The following NAV1 variants were observed in gnomAD, a reference collection of about 807,000 sequenced individuals.
NAV1 encodes the protein neuron navigator 1.
A neutral mutation model predicts 175.2 loss-of-function variants in NAV1; 18 were observed. The ratio of observed to expected loss-of-function variants is 0.10; its 90% CI spans 0.07 to 0.15. The LOEUF is 0.15. Ranked by LOEUF, NAV1 falls within the 10% of genes least tolerant of loss-of-function variation. The probability of loss-of-function intolerance (pLI) is 1.00; values close to 1 mark genes in which losing one functional copy is unlikely to be tolerated. For missense variants in NAV1, 1,731 were observed against 2,436.6 expected (o/e 0.71, Z 6.10); for synonymous variants, 897 against 978.7 (o/e 0.92, Z 1.56).
chr1:201,580,559 C>T (rs1010137623), intron 1 of NAV1, among the ~76,000 whole-genome samples: 5 of 152,028 alleles, frequency 3.3e-5, no homozygotes, highest in Non-Finnish European at 7.4e-5. Flanking sequence ...GATCACTTGA[C>T]GTCAGGAGTT....
intron 1 of NAV1, among the ~76,000 whole-genome samples, chr1:201,705,978 A>T (rs1201436697): frequency 6.6e-6 from 1 of 152,188 alleles, no homozygotes; most frequent in Non-Finnish European, 1.5e-5. Flanking sequence ...CAGTGGGTAG[A>T]GACCTGGAGT....
chr1:201,552,122 G>A (rs1323013140), intron 1 of NAV1, among the ~76,000 whole-genome samples: 6 of 152,230 alleles, frequency 3.9e-5, no homozygotes, highest in Non-Finnish European at 8.8e-5. Context: ...TGGCCACAGA[G>A]ACTGTGACAA....
In NAV1 at chr1:201,678,974, G is replaced by T. The variant is rs191573866; in HGVS notation, c.757+29549G>T. 1.7e-3 allele frequency among the ~76,000 whole-genome samples: 261 copies of T among 152,292 alleles called. 1 individual carries two copies. The highest frequency in any genetic ancestry group is 5.8e-3 in the African/African-American group (240 of 41,562). On this transcript the variant is annotated intron_variant, in intron 1 of 29. Transcript: ENST00000367296. ...GATGCTAGGGAGGGGAGGCTCCCGTGGAGACAAAGGTCGGGGAGCCCAGAA... is the reference window on the plus strand; with the variant it reads ...GATGCTAGGGAGGGGAGGCTCCCGTTGAGACAAAGGTCGGGGAGCCCAGAA...
chr1:201,806,227 C>T lies in NAV1; in HGVS notation c.3649-1726C>T, dbSNP rs543212021. Among the ~76,000 whole-genome samples, 5 of 152,234 alleles carry T rather than the reference C, an allele frequency of 3.3e-5. 1 individual carries two copies. The highest frequency in any genetic ancestry group is 9.6e-5 in the African/African-American group (4 of 41,552). ...CTCAAACTCCTGACCTCAGCTGATT[C>T]GCCCACCTCCGCCTCCAAAAGTGCA... On this transcript the variant is annotated intron_variant, in intron 17 of 29. Transcript: ENST00000367296.
At chr1:201,668,951 G>A (rs1010477560) in intron 1 of NAV1, among the ~76,000 whole-genome samples, 1 of 152,152 alleles carries the variant, frequency 6.6e-6, no homozygotes, top group African/African-American at 2.4e-5. Context: ...GTCCTTGGAT[G>A]GGTTTTCTAG....
intron 2 of NAV1, among the ~76,000 whole-genome samples, chr1:201,596,497 T>C (rs1667351167): frequency 6.6e-6 from 1 of 152,228 alleles, no homozygotes; most frequent in Non-Finnish European, 1.5e-5. Flanking sequence ...GGCTGGACTT[T>C]CAAAGAACTC....
chr1:201,712,646 C>T (rs1254787552), intron 1 of NAV1, among the ~76,000 whole-genome samples, 171 bp from the exon 6 acceptor site: 2 of 152,178 alleles, frequency 1.3e-5, no homozygotes, highest in African/African-American at 4.8e-5. Flanking sequence ...TGTCCAGGGC[C>T]TTTGAGAGGG....
upstream of NAV1, among the ~76,000 whole-genome samples, chr1:201,646,081 A>G (rs1017511854): frequency 4.6e-5 from 7 of 152,202 alleles, no homozygotes; most frequent in Non-Finnish European, 1.0e-4. Flanking sequence ...TCATGTTTGG[A>G]CATAAGCATG....
chr1:201,655,767 A>G (rs1331542019), intron 1 of NAV1, among the ~76,000 whole-genome samples: 1 of 152,212 alleles, frequency 6.6e-6, no homozygotes, highest in Non-Finnish European at 1.5e-5. Flanking sequence ...ATGGCTGTCC[A>G]GTGTGGGCAC....
Position 201,808,368 on chromosome 1 carries a change from A to G in NAV1, c.3846-50A>G, listed in dbSNP as rs768489832. On this transcript the variant is annotated intron_variant, in intron 18 of 29. Transcript: ENST00000367296. The surrounding 1 kb of genome is among the most constrained non-coding windows in gnomAD (Gnocchi z 5.5). ...ACCATGCCTCTCAATATTCTCTAGT[A>G]ACTCTAGTGCTTCTTCATGTAGCCT... 11 of 1,555,978 alleles carry G rather than the reference A, an allele frequency of 7.1e-6. No homozygotes were observed. Among genetic ancestry groups the G allele is most frequent in the Non-Finnish European group, 8.7e-6 (10 of 1,150,994 alleles).
At position 201,718,522 on chromosome 1, in the gene NAV1, C is replaced by T. The variant is rs1333190395; in HGVS notation, c.993C>T (p.Pro331=). The T allele has an allele frequency of 6.2e-7, 1 of 1,611,616 alleles. No individual in the cohort carries two copies. The highest frequency in any genetic ancestry group is 1.7e-5 in the Admixed American group (1 of 59,944). ...CGCGGCTGCAGGCTGGTGACGCGCC[C>T]TCTGTGGGTGGGAGCTGCCGCTCGG... Residue 331 remains proline (P), a synonymous_variant, in exon 3 of 30, where the codon CCC becomes CCT. Transcript: ENST00000367296. The surrounding 1 kb of genome is among the most constrained non-coding windows in gnomAD (Gnocchi z 4.8).
Position 201,740,032 on chromosome 1 carries a change from T to A in NAV1, c.1226+21277T>A. The A allele has an allele frequency of 6.7e-7, 1 of 1,491,086 alleles. No individual in the cohort carries two copies. Among genetic ancestry groups the A allele is most frequent in the South Asian group, 1.3e-5 (1 of 76,524 alleles). The allele number at this position is 1,491,086 out of a possible 1,614,324, so 92.4% of individuals were successfully genotyped here. ...CGCCTGAGCCGGGGAAGATGCTTCA[T>A]CTGCCCCTGCCCAGATCCGGAAGAA... On this transcript the variant is annotated intron_variant, in intron 3 of 29. Coordinates refer to ENST00000367296, the Ensembl canonical transcript of NAV1. The surrounding 1 kb of genome is among the most constrained non-coding windows in gnomAD (Gnocchi z 4.7).
intron 3 of NAV1, among the ~76,000 whole-genome samples, chr1:201,756,724 A>G (rs1674482617): frequency 1.3e-5 from 2 of 152,238 alleles, no homozygotes; most frequent in African/African-American, 4.8e-5. Context: ...TTTCTTCTCC[A>G]GCACATCCCA....
intron 1 of NAV1, among the ~76,000 whole-genome samples, chr1:201,697,410 G>C (rs377513571): frequency 7.2e-5 from 11 of 152,294 alleles, no homozygotes; most frequent in African/African-American, 2.4e-4. Flanking sequence ...AGGTGTGAAC[G>C]GCAGAGGGAG....
chr1:201,680,298 T>C lies in NAV1; in HGVS notation c.757+30873T>C, dbSNP rs557428695. On this transcript the variant is annotated intron_variant, in intron 1 of 29. Coordinates refer to ENST00000367296, the Ensembl canonical transcript of NAV1. ...GCCGAGGTGGGCGGATCACCTGAGG[T>C]CAGGAGTTCGAGACCAGCCTCAACA... 2.2e-3 allele frequency among the ~76,000 whole-genome samples: 338 copies of C among 152,158 alleles called. 1 individual carries two copies. The highest frequency in any genetic ancestry group is 7.5e-3 in the African/African-American group (310 of 41,508).
At chr1:201,781,849 C>T (rs1196336802) in intron 5 of NAV1, among the ~76,000 whole-genome samples, 3 of 152,062 alleles carry the variant, frequency 2.0e-5, no homozygotes, top group African/African-American at 7.2e-5. Flanking sequence ...CATTTGCTTC[C>T]CCACCTTTTT....
At chr1:201,545,336 G>T (rs1465789384) in intron 1 of NAV1, among the ~76,000 whole-genome samples, 1 of 151,698 alleles carries the variant, frequency 6.6e-6, no homozygotes. Flanking sequence ...CTTAATAAAT[G>T]CCAGATTTAA....
chr1:201,699,514 C>T (rs887158747), intron 1 of NAV1, among the ~76,000 whole-genome samples: 1 of 152,266 alleles, frequency 6.6e-6, no homozygotes, highest in East Asian at 1.9e-4. Context: ...GGCCATACTG[C>T]CCAAGGTAAT....
intron 4 of NAV1, 51 bp downstream of exon 8, chr1:201,780,610 G>A: frequency 2.5e-6 from 4 of 1,611,278 alleles, no homozygotes; most frequent in Non-Finnish European, 3.4e-6. Context: ...GAACCACAGG[G>A]CAAATGGCAT....
Sources: allele counts gnomAD v4.1 joint callset (sites outside exome capture counted in the v4.1 genomes callset), GRCh38; gene constraint gnomAD v4.1.1; non-coding constraint Gnocchi (gnomAD v3.1); transcripts MANE v1.5; gene names NCBI Gene and HGNC (gene_info 2026-07-23, HGNC 2026-07-21).